The following MKLN1 variants were observed in gnomAD, a reference collection of about 807,000 sequenced individuals.
The protein encoded by MKLN1 is muskelin.
MKLN1 carries 18 observed loss-of-function variants against 99.0 expected under a neutral mutation model. The ratio of observed to expected loss-of-function variants is 0.18; its 90% CI spans 0.13 to 0.27. The LOEUF (loss-of-function observed/expected upper bound fraction) is 0.27. MKLN1 is among the 10% of genes least tolerant of loss of function. The pLI, the probability that MKLN1 is intolerant of heterozygous loss-of-function variation, is 1.00. For missense variants in MKLN1, 621 were observed against 875.9 expected (o/e 0.71, Z 3.67); for synonymous variants, 288 against 293.2 (o/e 0.98, Z 0.18).
At chr7:131,287,808 G>A (rs1326421514) in intron 3 of MKLN1, among the ~76,000 whole-genome samples, 1 of 152,060 alleles carries the variant, frequency 6.6e-6, no homozygotes, top group African/African-American at 2.4e-5. Context: ...GATCATGGGG[G>A]AGGTTCCCCC....
intron 3 of MKLN1, among the ~76,000 whole-genome samples, chr7:131,297,758 C>T (rs1480340466): frequency 6.6e-6 from 1 of 152,028 alleles, no homozygotes; most frequent in African/African-American, 2.4e-5. Flanking sequence ...GCTGGAGATG[C>T]GAATATGCAA....
chr7:131,485,583 A>C (rs961508710), intron 17 of MKLN1, among the ~76,000 whole-genome samples: 1 of 152,088 alleles, frequency 6.6e-6, no homozygotes, highest in Non-Finnish European at 1.5e-5. Flanking sequence ...TACCAACTTA[A>C]GTAGATGATC....
chr7:131,403,917 A>G (rs1794625945), intron 6 of MKLN1, among the ~76,000 whole-genome samples: 1 of 152,202 alleles, frequency 6.6e-6, no homozygotes, highest in African/African-American at 2.4e-5. Context: ...AACGGCATCC[A>G]TAGACTTCCT....
At chr7:131,465,598 G>A (rs1247999491) in intron 14 of MKLN1, among the ~76,000 whole-genome samples, 5 of 152,012 alleles carry the variant, frequency 3.3e-5, no homozygotes, top group Non-Finnish European at 7.4e-5. Context: ...GAGTACAGTG[G>A]CGCAATCTCT....
At chr7:131,387,721 C>T (rs17165574) in intron 3 of MKLN1, among the ~76,000 whole-genome samples, 10,195 of 152,184 alleles carry the variant, frequency 0.067, 415 homozygotes, top group East Asian at 0.19. Flanking sequence ...TGCGTGACTA[C>T]GCCAAGCACA....
intron 1 of MKLN1, among the ~76,000 whole-genome samples, chr7:131,360,424 T>C (rs1799996132): frequency 6.6e-6 from 1 of 152,188 alleles, no homozygotes; most frequent in African/African-American, 2.4e-5. Flanking sequence ...GTGATTTTGT[T>C]TTCTCATCTC....
In MKLN1 at chr7:131,375,512, C is replaced by T. The variant is rs1212705563; in HGVS notation, c.168+19C>T. On this transcript the variant is annotated intron_variant, in intron 2 of 17. Coordinates refer to ENST00000352689, the MANE Select transcript of MKLN1 (RefSeq NM_013255.5). ...TCCCCAGGTAAGATTACATGTATCC[C>T]TTAATGCTGTTTAGAAGTCACCATT... 3 of 1,492,704 alleles carry T rather than the reference C, an allele frequency of 2.0e-6. No homozygotes were observed. The highest frequency in any genetic ancestry group is 1.9e-6 in the Non-Finnish European group (2 of 1,069,946). 92.5% of individuals were successfully genotyped at this position (1,492,704 alleles called of 1,614,324 possible). A position where few individuals can be genotyped will look rare whatever the true frequency, so the allele number is the denominator to read the frequency against.
At chr7:131,406,634 C>T (rs1298547942) in intron 6 of MKLN1, among the ~76,000 whole-genome samples, 1 of 151,760 alleles carries the variant, frequency 6.6e-6, no homozygotes, top group African/African-American at 2.4e-5. Flanking sequence ...GTGTTCATTC[C>T]CTGTGCCGTA....
chr7:131,308,505 C>T (rs1798503404), intron 3 of MKLN1, among the ~76,000 whole-genome samples: 1 of 152,102 alleles, frequency 6.6e-6, no homozygotes, highest in African/African-American at 2.4e-5. Flanking sequence ...AGGTGATCCA[C>T]CTGCCTTGGC....
At chr7:131,190,409 G>A (rs552134268) in intron 2 of MKLN1, among the ~76,000 whole-genome samples, 1 of 151,144 alleles carries the variant, frequency 6.6e-6, no homozygotes, top group African/African-American at 2.4e-5. Context: ...CAGCAGAACA[G>A]CAGCCCTCGA....
intron 1 of MKLN1, among the ~76,000 whole-genome samples, chr7:131,137,192 T>C (rs1407960004): frequency 1.3e-5 from 2 of 152,164 alleles, no homozygotes; most frequent in African/African-American, 4.8e-5. Flanking sequence ...GAATAGCGCC[T>C]GTACAGTTTG....
At chr7:131,393,171 CTGATGACTGAA>C (rs1451535057) in intron 4 of MKLN1, among the ~76,000 whole-genome samples, 1 of 152,196 alleles carries the variant, frequency 6.6e-6, no homozygotes, top group African/African-American at 2.4e-5. Flanking sequence ...ATGGGGAAAA[CTGATGACTGAA>C]TCCTAGAATA....
At chr7:131,145,933 G>A (rs1795809620) in intron 2 of MKLN1, among the ~76,000 whole-genome samples, 2 of 152,228 alleles carry the variant, frequency 1.3e-5, no homozygotes, top group South Asian at 4.1e-4. Flanking sequence ...ACACTAGAGT[G>A]AGGAAGTGAG....
intron 1 of MKLN1, among the ~76,000 whole-genome samples, chr7:131,139,710 T>G (rs1168625900): frequency 6.6e-6 from 1 of 152,198 alleles, no homozygotes; most frequent in African/African-American, 2.4e-5. Context: ...AGAGTTCAGG[T>G]ACACATTCAT....
rs1213781736 is a variant in MKLN1 at position 131,320,400 on chromosome 7, C to T, written c.-178-55024C>T. 7.9e-5 allele frequency among the ~76,000 whole-genome samples: 12 copies of T among 152,266 alleles called. No individual in the cohort carries two copies. The South Asian group carries it at 2.5e-3, about 32-fold the overall frequency. ...TATGCAGAAAACAGAAACTGGACCC[C>T]CTCCTTACACCTTATACAAAAATTA... On this transcript the variant is annotated intron_variant, in intron 3 of 7. Coordinates refer to the MKLN1 transcript ENST00000416992.
chr7:131,165,811 A>G (rs1195214651), intron 2 of MKLN1, among the ~76,000 whole-genome samples: 2 of 152,094 alleles, frequency 1.3e-5, no homozygotes, highest in Non-Finnish European at 2.9e-5. Flanking sequence ...AGGCCGGGAG[A>G]TGAGTTAGAA....
intron 8 of MKLN1, among the ~76,000 whole-genome samples, chr7:131,416,843 T>C (rs1795030943): frequency 6.6e-6 from 1 of 151,526 alleles, no homozygotes; most frequent in Non-Finnish European, 1.5e-5. Context: ...ATCAGCTGGA[T>C]GTGGTGGTGT....
chr7:131,452,780 A>C (rs1024702161), intron 12 of MKLN1, among the ~76,000 whole-genome samples: 3 of 151,730 alleles, frequency 2.0e-5, no homozygotes, highest in Non-Finnish European at 2.9e-5. Context: ...TGATCTCTTG[A>C]CCTTGTGATC....
At chr7:131,367,585 G>C (rs1800217602) in intron 1 of MKLN1, among the ~76,000 whole-genome samples, 1 of 152,030 alleles carries the variant, frequency 6.6e-6, no homozygotes, top group Non-Finnish European at 1.5e-5. Context: ...ATTCCCTCTA[G>C]TGCATGGTCT....
Sources: gnomAD v4.1 joint callset for allele counts (sites outside exome capture counted in the v4.1 genomes callset) on GRCh38, gnomAD v4.1.1 for gene constraint, MANE v1.5 for transcripts, NCBI Gene and HGNC (gene_info 2026-07-23, HGNC 2026-07-21) for gene names.